Variants in TACC2 observed in about 807,000 individuals in gnomAD.
TACC2 encodes the protein transforming acidic coiled-coil containing protein 2, also known as transforming acidic coiled-coil-containing protein 2.
A neutral mutation model predicts 227.3 loss-of-function variants in TACC2; 137 were observed. The observed-to-expected ratio is 0.60, with a 90% CI of 0.52 to 0.69. The LOEUF is 0.69. Among genes scored for constraint, TACC2 ranks in the 30% least tolerant of loss-of-function variants. The probability of loss-of-function intolerance (pLI) is 0.00; values close to 1 mark genes in which losing one functional copy is unlikely to be tolerated. For missense variants in TACC2, 3,470 were observed against 3,694.4 expected (o/e 0.94, Z 1.57); for synonymous variants, 1,523 against 1,487.5 (o/e 1.02, Z -0.55).
At position 122,210,588 on chromosome 10, in the gene TACC2, C is replaced by T. The variant is rs376786391; in HGVS notation, c.6163C>T (p.Arg2055Cys). The change falls in exon 9 of 23, where the codon CGT becomes TGT. Residue 2055 changes from arginine (R) to cysteine (C), a missense_variant. Physicochemically the swap from Arg to Cys is radical, Grantham distance 180 (BLOSUM62 -3). Transcript: ENST00000369005. This position sits in a 1 kb window ranked among gnomAD's most constrained non-coding sequence, Gnocchi z 4.6. ...GGATACCTTTCAGACCTTGGAGCCT[C>T]GTGCCTCAGACGCTAAGAATCAGGA... is the stretch of plus-strand genomic sequence containing the variant. ...LVDTFQTLEP[R>C]ASDAKNQEGK... 7.4e-6 allele frequency: 12 copies of T among 1,614,102 alleles called. No individual in the cohort carries two copies. Among genetic ancestry groups the T allele is most frequent in the East Asian group, 2.2e-5 (1 of 44,870 alleles).
chr10:122,176,740 C>G (rs572275006), intron 7 of TACC2, among the ~76,000 whole-genome samples: 129 of 152,258 alleles, frequency 8.5e-4, no homozygotes, highest in African/African-American at 3.0e-3. Context: ...CTCCACCCAC[C>G]TAGGTTCTTT....
In TACC2 at chr10:122,209,713, TCTCA is replaced by T. The variant is rs1260308076; in HGVS notation, c.5972-676_5972-673del. ...TTGTTTGTTTGTTTTTGAGACAGAG[TCTCA>T]CTCACTCTGTCACCCAGGCTAGAGT... On this transcript the variant is annotated intron_variant, in intron 8 of 22. Coordinates refer to ENST00000369005, the MANE Select transcript of TACC2 (RefSeq NM_206862.4). This position sits in a 1 kb window ranked among gnomAD's most constrained non-coding sequence, Gnocchi z 4.5. 6.6e-6 allele frequency among the ~76,000 whole-genome samples: 1 copy of T among 152,076 alleles called. No homozygotes were observed. Among genetic ancestry groups the T allele is most frequent in the African/African-American group, 2.4e-5 (1 of 41,412 alleles).
intron 2 of TACC2, among the ~76,000 whole-genome samples, chr10:122,024,233 G>T (rs1957713472): frequency 6.6e-6 from 1 of 152,066 alleles, no homozygotes; most frequent in South Asian, 2.1e-4. Context: ...GGGTGTGGTG[G>T]TGCACACCTG....
chr10:122,082,935 T>C lies in TACC2; in HGVS notation c.435T>C (p.Asn145=). Residue 145 remains asparagine, a synonymous_variant, in exon 4 of 23, where the codon AAT becomes AAC. Transcript: ENST00000369005. ...TQSPRREPAP[N]APGDIAAAFP... is the part of the protein sequence containing the mutation. ...CTCCCAGGAGGGAACCTGCCCCAAA[T>C]GCCCCAGGAGACATCGCGGCGGCAT... 6.2e-7 allele frequency: 1 copy of C among 1,612,980 alleles called. No homozygotes were observed. The highest frequency in any genetic ancestry group is 8.5e-7 in the Non-Finnish European group (1 of 1,180,000).
intron 8 of TACC2, among the ~76,000 whole-genome samples, chr10:122,197,480 A>G (rs1275061020): frequency 6.6e-6 from 1 of 152,186 alleles, no homozygotes; most frequent in African/African-American, 2.4e-5. Flanking sequence ...CTTCCTTTCA[A>G]CAAAGCAGAG....
intron 11 of TACC2, among the ~76,000 whole-genome samples, chr10:122,219,292 C>T (rs2095477929): frequency 6.6e-6 from 1 of 151,992 alleles, no homozygotes; most frequent in African/African-American, 2.4e-5. Context: ...CCAGCCTTTC[C>T]CTGGAATTCC....
Position 122,087,521 on chromosome 10 carries a change from C to T in TACC2, c.5021C>T (p.Ala1674Val). Residue 1674 changes from alanine to valine, a missense_variant, in exon 4 of 23, where the codon GCC becomes GTC. Physicochemically the swap from Ala to Val is moderately conservative, Grantham distance 64. Transcript: ENST00000369005. ...GCTGGCATCTTGGAAATGCGAAATG[C>T]CCTGGGCAACCAGAGCACCCCTGCA... ...VTAGILEMRN[A>V]LGNQSTPAPP... 1 of 1,613,912 alleles carries T rather than the reference C, an allele frequency of 6.2e-7. No individual in the cohort carries two copies. The highest frequency in any genetic ancestry group is 8.5e-7 in the Non-Finnish European group (1 of 1,180,042).
intron 5 of TACC2, among the ~76,000 whole-genome samples, chr10:122,116,902 T>C (rs966218036): frequency 4.8e-5 from 7 of 145,438 alleles, no homozygotes; most frequent in African/African-American, 1.8e-4. Flanking sequence ...CCTTTCTTTC[T>C]TTTTTTTTTT....
intron 1 of TACC2, among the ~76,000 whole-genome samples, chr10:121,992,775 C>T (rs1358608147): frequency 2.6e-5 from 4 of 151,654 alleles, no homozygotes; most frequent in Admixed American, 1.3e-4. Flanking sequence ...GGCAACACGG[C>T]GAAACCCCGT....
chr10:122,249,573 G>A lies in TACC2; in HGVS notation c.8690G>A (p.Gly2897Asp). ...RANAEIAQVR[G>D]KAQQEQAAHQ... The stretch of plus-strand genomic sequence containing the variant: ...AATGCTGAGATTGCTCAGGTTCGAG[G>A]CAAGGCCCAGCAGGAGCAAGCCGCC... The change falls in exon 22 of 23, where the codon GGC (glycine) becomes GAC (aspartate). Residue 2897 changes from glycine to aspartate, a missense_variant. Coordinates refer to ENST00000369005, the MANE Select transcript of TACC2 (RefSeq NM_206862.4). 1 of 1,614,126 alleles carries A rather than the reference G, an allele frequency of 6.2e-7. No individual in the cohort carries two copies.
chr10:122,028,088 T>TTTTTTTTTTCTTTCTTTC (rs1217270392), intron 2 of TACC2, among the ~76,000 whole-genome samples: 1 of 110,004 alleles, frequency 9.1e-6, no homozygotes, highest in Admixed American at 8.8e-5. Context: ...TTCTTTCTTT[T>TTTTTTTTTTCTTTCTTTC]TTTTTTTTTT....
chr10:122,139,598 C>T (rs1033330339), intron 6 of TACC2, among the ~76,000 whole-genome samples: 1 of 152,232 alleles, frequency 6.6e-6, no homozygotes, highest in Non-Finnish European at 1.5e-5. Context: ...TCCAAACCCA[C>T]AATTTCACAG....
In TACC2 at chr10:122,078,984, C is replaced by T. The variant is rs555260363; in HGVS notation, c.147-3663C>T. ...TTTATCATCTTGTTCCAGATGGTAA[C>T]GACTTCAGCCAGCCTGAAGGGAAGC... On this transcript the variant is annotated intron_variant, in intron 3 of 22. Coordinates refer to ENST00000369005, the MANE Select transcript of TACC2 (RefSeq NM_206862.4). The T allele has an allele frequency of 6.6e-5, 10 of 152,292 alleles. No homozygotes were observed. The East Asian group carries it at 7.7e-4, about 12-fold the overall frequency. 9.4% of individuals were successfully genotyped at this position (152,292 alleles called of 1,614,324 possible).
At chr10:122,106,745 A>G (rs1052776177) in intron 5 of TACC2, among the ~76,000 whole-genome samples, 1 of 152,212 alleles carries the variant, frequency 6.6e-6, no homozygotes, top group Non-Finnish European at 1.5e-5. Context: ...TTTTGGCTAC[A>G]AGTAACAGAC....
chr10:122,175,642 G>A (rs1040066452), intron 7 of TACC2, among the ~76,000 whole-genome samples: 2 of 152,238 alleles, frequency 1.3e-5, no homozygotes, highest in Admixed American at 1.3e-4. Flanking sequence ...ATGCCTGTGA[G>A]AGGAAAGGAA....
intron 6 of TACC2, among the ~76,000 whole-genome samples, chr10:122,137,157 G>A (rs1370327064): frequency 1.3e-5 from 2 of 152,170 alleles, no homozygotes; most frequent in Non-Finnish European, 2.9e-5. Context: ...GAAGAGCTGT[G>A]AAGCTGCTTC....
At position 122,087,047 on chromosome 10, in the gene TACC2, A is replaced by G; in HGVS notation, c.4547A>G (p.Lys1516Arg). ...AACTTGCCAGGTGCCGGTGTGGGGA[A>G]GGAGATGGCAGGTGTCCCACCCACA... ...ERNLPGAGVGKEMAGVPPTLR... is the reference protein window; with the variant it reads ...ERNLPGAGVGREMAGVPPTLR... The change falls in exon 4 of 23, where the codon AAG becomes AGG. Residue 1516 changes from lysine to arginine, a missense_variant. Transcript: ENST00000369005. 1 of 1,613,666 alleles carries G rather than the reference A, an allele frequency of 6.2e-7. No homozygotes were observed. The highest frequency in any genetic ancestry group is 8.5e-7 in the Non-Finnish European group (1 of 1,179,926).
intron 5 of TACC2, among the ~76,000 whole-genome samples, chr10:122,105,142 G>A (rs145130726): frequency 1.7e-3 from 261 of 152,332 alleles, no homozygotes; most frequent in African/African-American, 6.1e-3. Context: ...CACTCAGGGC[G>A]CCAGCATTCC....
chr10:122,081,257 C>G (rs1012989646), intron 3 of TACC2, among the ~76,000 whole-genome samples: 1 of 151,736 alleles, frequency 6.6e-6, no homozygotes, highest in African/African-American at 2.4e-5. Flanking sequence ...TGGTGGCTCA[C>G]GCCTGTAATC....
Sources: allele counts gnomAD v4.1 joint callset (sites outside exome capture counted in the v4.1 genomes callset), GRCh38; gene constraint gnomAD v4.1.1; non-coding constraint Gnocchi (gnomAD v3.1); transcripts MANE v1.5; gene names NCBI Gene and HGNC (gene_info 2026-07-23, HGNC 2026-07-21).